Variants in TXLNB observed in about 807,000 individuals in gnomAD.
TXLNB encodes taxilin beta.
TXLNB carries 37 observed loss-of-function variants against 57.4 expected under a neutral mutation model. The observed-to-expected ratio is 0.64, with a 90% CI of 0.50 to 0.85. The LOEUF (loss-of-function observed/expected upper bound fraction) is 0.85. Among genes scored for constraint, TXLNB ranks in the 40% least tolerant of loss-of-function variants. TXLNB has a pLI of 0.00. For synonymous variants in TXLNB, 302 were observed against 309.6 expected (o/e 0.98, Z 0.26); for missense variants, 848 against 825.6 (o/e 1.03, Z -0.33).
chr6:139,253,275 A>G (rs1776255428), intron 7 of TXLNB, among the ~76,000 whole-genome samples: 1 of 152,202 alleles, frequency 6.6e-6, no homozygotes, highest in South Asian at 2.1e-4. Flanking sequence ...AACTACATAT[A>G]TTACATATGC....
chr6:139,165,397 A>G, the TXLNB span, among the ~76,000 whole-genome samples: 2 of 152,120 alleles, frequency 1.3e-5, no homozygotes, highest in Non-Finnish European at 2.9e-5. Flanking sequence ...ATGAACCTAC[A>G]TTTACACATC....
At chr6:139,224,767 T>G in the TXLNB span, among the ~76,000 whole-genome samples, 1 of 151,894 alleles carries the variant, frequency 6.6e-6, no homozygotes, top group Non-Finnish European at 1.5e-5. Context: ...TCTAGATAAC[T>G]TAACCAAAGA....
chr6:139,296,895 A>G (rs1443207761), upstream of TXLNB, among the ~76,000 whole-genome samples: 1 of 118,282 alleles, frequency 8.5e-6, no homozygotes, highest in Non-Finnish European at 1.8e-5. Flanking sequence ...CTGAAAGCAA[A>G]CAAACAAACA....
the TXLNB span, chr6:139,174,614 G>A: frequency 1.9e-4 from 294 of 1,545,074 alleles, no homozygotes; most frequent in African/African-American, 3.3e-3. Flanking sequence ...GGGAAGATGC[G>A]TCTGGCAATA....
chr6:139,298,496 A>G, the TXLNB span, among the ~76,000 whole-genome samples: 1 of 152,196 alleles, frequency 6.6e-6, no homozygotes, highest in African/African-American at 2.4e-5. Context: ...GGACCTCCCC[A>G]TCTTTGAAGA....
chr6:139,311,950 T>C, the TXLNB span, among the ~76,000 whole-genome samples: 1 of 152,156 alleles, frequency 6.6e-6, no homozygotes. Context: ...CTCTAGTCTC[T>C]CTCCTTATAA....
At chr6:139,218,292 A>C in the TXLNB span, among the ~76,000 whole-genome samples, 1 of 152,212 alleles carries the variant, frequency 6.6e-6, no homozygotes, top group African/African-American at 2.4e-5. Context: ...AACATATAAA[A>C]TATACTTTAT....
At chr6:139,218,278 C>A in the TXLNB span, among the ~76,000 whole-genome samples, 1 of 152,016 alleles carries the variant, frequency 6.6e-6, no homozygotes. Context: ...TATTAGACAC[C>A]AAAAACATAT....
At chr6:139,253,788 T>C (rs1328626649) in intron 7 of TXLNB, among the ~76,000 whole-genome samples, 1 of 152,254 alleles carries the variant, frequency 6.6e-6, no homozygotes, top group Non-Finnish European at 1.5e-5. Context: ...TGTAATCTAC[T>C]CTGCTCAAGT....
intron 3 of TXLNB, among the ~76,000 whole-genome samples, chr6:139,272,998 C>T (rs1260677165): frequency 6.6e-6 from 1 of 151,948 alleles, no homozygotes; most frequent in South Asian, 2.1e-4. Flanking sequence ...CGTGCCATTG[C>T]ACTCCAGCCT....
chr6:139,163,771 C>T, the TXLNB span, among the ~76,000 whole-genome samples: 1 of 152,124 alleles, frequency 6.6e-6, no homozygotes, highest in South Asian at 2.1e-4. Flanking sequence ...CCTTGCATCC[C>T]AGGATTCTTT....
chr6:139,211,931 A>G, the TXLNB span, among the ~76,000 whole-genome samples: 1 of 152,196 alleles, frequency 6.6e-6, no homozygotes, highest in South Asian at 2.1e-4. Context: ...TTTAGAGAAA[A>G]AAGAATAAAA....
At chr6:139,163,213 G>A in the TXLNB span, among the ~76,000 whole-genome samples, 2 of 152,208 alleles carry the variant, frequency 1.3e-5, no homozygotes, top group South Asian at 2.1e-4. Flanking sequence ...CTACGGGATG[G>A]ACAGTGAGGT....
the TXLNB span, among the ~76,000 whole-genome samples, chr6:139,215,331 A>C: frequency 6.6e-6 from 1 of 152,050 alleles, no homozygotes; most frequent in Non-Finnish European, 1.5e-5. Flanking sequence ...ACATATCTAC[A>C]ACTATCTGAT....
chr6:139,179,843 G>A, the TXLNB span: 4 of 152,172 alleles, frequency 2.6e-5, no homozygotes, highest in Non-Finnish European at 4.4e-5. Context: ...CTGATGAATA[G>A]TGTTCAGTAA....
chr6:139,230,792 T>C, the TXLNB span, among the ~76,000 whole-genome samples: 14 of 152,310 alleles, frequency 9.2e-5, no homozygotes, highest in African/African-American at 2.2e-4. Flanking sequence ...CCTTGTGACA[T>C]TGTAAGCAAA....
chr6:139,175,826 C>T, the TXLNB span, among the ~76,000 whole-genome samples: 1 of 152,144 alleles, frequency 6.6e-6, no homozygotes, highest in Admixed American at 6.5e-5. Context: ...CCTGCCACAC[C>T]CAGCCTCTTG....
chr6:139,212,722 T>C, the TXLNB span, among the ~76,000 whole-genome samples: 12 of 152,258 alleles, frequency 7.9e-5, no homozygotes, highest in East Asian at 1.7e-3. Context: ...GTGTGCTGTA[T>C]TCAGGAGACC....
chr6:139,192,935 C>A, the TXLNB span, among the ~76,000 whole-genome samples: 1 of 151,576 alleles, frequency 6.6e-6, no homozygotes, highest in Non-Finnish European at 1.5e-5. Flanking sequence ...TGCACTCCAG[C>A]CTGGGCAACA....
Sources: gnomAD v4.1 joint callset for allele counts (sites outside exome capture counted in the v4.1 genomes callset) on GRCh38, gnomAD v4.1.1 for gene constraint, MANE v1.5 for transcripts, NCBI Gene and HGNC (gene_info 2026-07-23, HGNC 2026-07-21) for gene names.